Variants in PPP1R7 observed in about 807,000 individuals in gnomAD.
The protein encoded by PPP1R7 is protein phosphatase 1 regulatory subunit 7, also known as protein phosphatase 1 regulatory subunit 22.
In PPP1R7, 18 loss-of-function variants were observed where a neutral mutation model predicts 45.2. The ratio of observed to expected loss-of-function variants is 0.40; its 90% confidence interval spans 0.28 to 0.59. The LOEUF (loss-of-function observed/expected upper bound fraction) is 0.59. Ranked by LOEUF, PPP1R7 falls within the 20% of genes least tolerant of loss-of-function variation. PPP1R7 has a pLI of 0.46. For missense variants in PPP1R7, 314 were observed against 455.8 expected, an observed-to-expected ratio of 0.69 and a Z score of 2.83; for synonymous variants, 181 against 183.4, an observed-to-expected ratio of 0.99 and a Z score of 0.11.
intron 9 of PPP1R7, among the ~76,000 whole-genome samples, chr2:241,179,827 T>C (rs181190373): frequency 8.5e-4 from 129 of 152,350 alleles, no homozygotes; most frequent in South Asian, 3.5e-3. Flanking sequence ...AATGCAAAGA[T>C]AAGAATCTCT....
upstream of PPP1R7, chr2:241,150,000 C>T (rs1228601870): frequency 1.4e-6 from 2 of 1,408,906 alleles, no homozygotes; most frequent in African/African-American, 1.5e-5. Context: ...TGTTGTTGCT[C>T]TTGCCGTTCG....
chr2:241,168,322 C>T (rs2149064085), intron 8 of PPP1R7, among the ~76,000 whole-genome samples: 1 of 152,242 alleles, frequency 6.6e-6, no homozygotes, highest in South Asian at 2.1e-4. Flanking sequence ...AGCCTTGGTG[C>T]TTGGACCTCA....
intron 9 of PPP1R7, among the ~76,000 whole-genome samples, chr2:241,181,014 C>T (rs912769087): frequency 6.6e-6 from 1 of 152,092 alleles, no homozygotes; most frequent in South Asian, 2.1e-4. Flanking sequence ...GGCTGGCCAA[C>T]GTGGTGAAAC....
chr2:241,149,898 G>T, upstream of PPP1R7: 2 of 1,439,954 alleles, frequency 1.4e-6, no homozygotes, highest in South Asian at 2.9e-5. Context: ...GGCCCCACCA[G>T]CGCAAGTGCC....
chr2:241,156,407 G>A (rs928624386), intron 2 of PPP1R7, among the ~76,000 whole-genome samples: 4 of 152,122 alleles, frequency 2.6e-5, no homozygotes, highest in African/African-American at 9.7e-5. Flanking sequence ...GCAGTGGCTC[G>A]TGCCTATAAT....
chr2:241,166,924 A>C, intron 8 of PPP1R7: 2 of 802,956 alleles, frequency 2.5e-6, no homozygotes, highest in Non-Finnish European at 4.0e-6. Context: ...TCTCAGTCCC[A>C]GCCCCTTCCT....
chr2:241,159,060 C>T (rs1353625517), intron 4 of PPP1R7, 153 bp from the exon 5 acceptor site: 22 of 943,106 alleles, frequency 2.3e-5, no homozygotes, highest in Middle Eastern at 3.6e-4. Context: ...GCCCACCTGC[C>T]TCTCAAAGGT....
chr2:241,181,193 C>A (rs4675987), intron 9 of PPP1R7, among the ~76,000 whole-genome samples: 119,664 of 151,908 alleles, frequency 0.79, 47,260 homozygotes, highest in East Asian at 0.91. Flanking sequence ...GCGAGACTCC[C>A]TCTCAAAAAA....
chr2:241,181,264 G>T (rs1238488411), intron 9 of PPP1R7, among the ~76,000 whole-genome samples: 1 of 152,104 alleles, frequency 6.6e-6, no homozygotes, highest in Non-Finnish European at 1.5e-5. Flanking sequence ...TCCTCTCTGG[G>T]AAGCCCCTGA....
intron 9 of PPP1R7, among the ~76,000 whole-genome samples, chr2:241,177,214 C>T (rs1387919091): frequency 3.3e-5 from 5 of 151,344 alleles, no homozygotes; most frequent in African/African-American, 7.3e-5. Flanking sequence ...GTCAGGAGAT[C>T]GAGACCATCC....
At chr2:241,160,552 G>T in intron 6 of PPP1R7, 58 bp downstream of exon 6, 1 of 1,435,396 alleles carries the variant, frequency 7.0e-7, no homozygotes, top group Admixed American at 2.4e-5. Flanking sequence ...CGGGCTGTGT[G>T]TGGACTCAGT....
intron 3 of PPP1R7, 26 bp from the exon 4 acceptor site, chr2:241,158,458 G>A: frequency 6.2e-7 from 1 of 1,611,998 alleles, no homozygotes. Flanking sequence ...TGCTATAGCT[G>A]AGTATAGATT....
In PPP1R7 at chr2:241,153,583, CG is replaced by C; in HGVS notation, c.166del (p.Glu56ArgfsTer28). The C allele has an allele frequency of 6.2e-7, 1 of 1,613,894 alleles. No individual in the cohort carries two copies. The highest frequency in any genetic ancestry group is 8.5e-7 in the Non-Finnish European group (1 of 1,179,972). On this transcript the variant is annotated frameshift_variant, in exon 2 of 10. Transcript: ENST00000234038. LOFTEE classifies it high-confidence loss of function. ...SEQSLKDGEE[R>X]GEEDPEEEHE... ...ACAGAGCCTGAAGGATGGGGAGGAG[CG>C]GGGGGAGGAGGACCCAGAAGGTACC...
intron 5 of PPP1R7, among the ~76,000 whole-genome samples, chr2:241,160,043 T>G (rs1183324955): frequency 1.3e-5 from 2 of 152,152 alleles, no homozygotes; most frequent in African/African-American, 4.8e-5. Context: ...GGCACAAGTG[T>G]GAACAAAACA....
chr2:241,167,318 C>T (rs2067735989), intron 8 of PPP1R7: 1 of 408,982 alleles, frequency 2.4e-6, no homozygotes, highest in Non-Finnish European at 4.3e-6. Flanking sequence ...CCAACACCTG[C>T]ATAAAATTTT....
chr2:241,150,009 C>T (rs2067210051), upstream of PPP1R7: 7 of 1,402,606 alleles, frequency 5.0e-6, no homozygotes, highest in South Asian at 1.1e-4. Flanking sequence ...TCTTGCCGTT[C>T]GGCCCATTGT....
At chr2:241,167,306 C>T (rs989052145) in intron 8 of PPP1R7, 8 of 407,734 alleles carry the variant, frequency 2.0e-5, no homozygotes, top group East Asian at 1.1e-4. Flanking sequence ...CAGTAAATTT[C>T]ACCAACACCT....
At position 241,180,123 on chromosome 2, in the gene PPP1R7, C is replaced by A. The variant is rs1189337017; in HGVS notation, c.907-2524C>A. On this transcript the variant is annotated intron_variant, in intron 9 of 9. Transcript: ENST00000234038. ...AGAAGGAGGTGACACAGCTTGAAGA[C>A]CTCCCACGCCAGAGCTGAAAGCCTG... Among the ~76,000 whole-genome samples, 8 of 152,304 alleles carry A rather than the reference C, an allele frequency of 5.3e-5. No homozygotes were observed. In the East Asian group the frequency reaches 1.3e-3, roughly 26 times the overall value.
chr2:241,173,370 A>G (rs148388382), intron 9 of PPP1R7, among the ~76,000 whole-genome samples: 5 of 151,882 alleles, frequency 3.3e-5, no homozygotes, highest in African/African-American at 7.3e-5. Flanking sequence ...CAGCCTCCCA[A>G]AGGGCTGGGA....
Sources: gnomAD v4.1 joint callset for allele counts (sites outside exome capture counted in the v4.1 genomes callset) on GRCh38, gnomAD v4.1.1 for gene constraint, MANE v1.5 for transcripts, NCBI Gene and HGNC (gene_info 2026-07-23, HGNC 2026-07-21) for gene names.